The following PRKG1 variants were observed in gnomAD, a reference collection of about 807,000 sequenced individuals.
PRKG1 encodes cGMP-dependent protein kinase 1.
In PRKG1, 35 loss-of-function variants were observed where a neutral mutation model predicts 88.1. The ratio of observed to expected loss-of-function variants is 0.40; its 90% CI spans 0.30 to 0.53. PRKG1 has a LOEUF of 0.53. PRKG1 is among the 20% of genes least tolerant of loss of function. The probability of loss-of-function intolerance (pLI) is 0.59; values close to 1 mark genes in which losing one functional copy is unlikely to be tolerated. For missense variants in PRKG1, 540 were observed against 839.8 expected, an observed-to-expected ratio of 0.64 and a Z score of 4.41; for synonymous variants, 303 against 292.5, an observed-to-expected ratio of 1.04 and a Z score of -0.37.
intron 4 of PRKG1, among the ~76,000 whole-genome samples, chr10:51,816,148 C>T (rs544778135): frequency 1.3e-4 from 20 of 152,260 alleles, no homozygotes; most frequent in South Asian, 8.3e-4. Context: ...TAACCAGAAT[C>T]GTGAAAATTA....
At chr10:52,093,906 G>T (rs142328757) in intron 7 of PRKG1, among the ~76,000 whole-genome samples, 1 of 152,228 alleles carries the variant, frequency 6.6e-6, no homozygotes, top group East Asian at 1.9e-4. Flanking sequence ...AGAAAATTAT[G>T]CACACAGCGG....
chr10:51,075,886 G>A (rs1477536802), intron 1 of PRKG1, among the ~76,000 whole-genome samples: 1 of 152,148 alleles, frequency 6.6e-6, no homozygotes, highest in African/African-American at 2.4e-5. Flanking sequence ...ACAGAATGTG[G>A]GAGAGCACCC....
chr10:51,291,123 T>A (rs957156057), intron 2 of PRKG1, among the ~76,000 whole-genome samples: 3 of 152,310 alleles, frequency 2.0e-5, no homozygotes, highest in South Asian at 2.1e-4. Context: ...GTTATCAAAA[T>A]GACTCTTCTC....
intron 1 of PRKG1, among the ~76,000 whole-genome samples, chr10:51,026,031 A>G (rs1843199700): frequency 6.6e-6 from 1 of 152,164 alleles, no homozygotes; most frequent in South Asian, 2.1e-4. Flanking sequence ...CTGCACCCAG[A>G]AAATATGCCA....
At chr10:51,676,691 T>C (rs1840719824) in intron 3 of PRKG1, among the ~76,000 whole-genome samples, 1 of 152,216 alleles carries the variant, frequency 6.6e-6, no homozygotes, top group Admixed American at 6.5e-5. Flanking sequence ...TGTTTTCTGC[T>C]TCACATTGTT....
chr10:51,788,092 A>C (rs1483496307), intron 3 of PRKG1, among the ~76,000 whole-genome samples: 1 of 152,202 alleles, frequency 6.6e-6, no homozygotes, highest in Non-Finnish European at 1.5e-5. Context: ...TGCATGAAAA[A>C]GGAGTATGTT....
At chr10:52,279,524 C>G (rs1841952490) in intron 12 of PRKG1, among the ~76,000 whole-genome samples, 1 of 152,156 alleles carries the variant, frequency 6.6e-6, no homozygotes, top group Admixed American at 6.6e-5. Flanking sequence ...AAGACATTCT[C>G]TTTCTGGAAG....
At chr10:52,017,809 G>A (rs1350704219) in intron 5 of PRKG1, among the ~76,000 whole-genome samples, 2 of 152,074 alleles carry the variant, frequency 1.3e-5, no homozygotes, top group African/African-American at 4.8e-5. Context: ...ACAATTTCAG[G>A]AAACTTTACA....
chr10:51,002,989 T>G (rs1842904581), intron 1 of PRKG1, among the ~76,000 whole-genome samples: 1 of 152,176 alleles, frequency 6.6e-6, no homozygotes, highest in Non-Finnish European at 1.5e-5. Flanking sequence ...TAAAAAGTGT[T>G]TTGAAATTCT....
At chr10:51,662,288 G>A (rs534860594) in intron 3 of PRKG1, among the ~76,000 whole-genome samples, 3 of 152,138 alleles carry the variant, frequency 2.0e-5, no homozygotes, top group African/African-American at 4.8e-5. Flanking sequence ...TAATTGTGTG[G>A]ATAAGGGCAT....
At chr10:51,121,370 A>G (rs1156563802) in intron 1 of PRKG1, among the ~76,000 whole-genome samples, 2 of 152,076 alleles carry the variant, frequency 1.3e-5, no homozygotes. Flanking sequence ...TTATTATATT[A>G]TTTTTTGATA....
At chr10:51,218,490 CATATATATATATATATATATATATAT>C (rs869105973) in intron 2 of PRKG1, among the ~76,000 whole-genome samples, 3 of 40,780 alleles carry the variant, frequency 7.4e-5, no homozygotes, top group East Asian at 5.8e-4. Context: ...CATCTATCTT[CATATATATATATATATATATATATAT>C]ATATATATAT....
At chr10:51,374,366 T>G (rs2132615936) in intron 2 of PRKG1, among the ~76,000 whole-genome samples, 1 of 151,880 alleles carries the variant, frequency 6.6e-6, no homozygotes, top group Middle Eastern at 3.4e-3. Context: ...TTGTGTTGGT[T>G]TGCTGAGAAT....
intron 2 of PRKG1, among the ~76,000 whole-genome samples, chr10:51,297,314 G>A (rs1347441461): frequency 6.6e-6 from 1 of 152,004 alleles, no homozygotes; most frequent in Non-Finnish European, 1.5e-5. Context: ...GTGAACCTGT[G>A]GGTGTTCATT....
At chr10:51,450,252 T>A (rs1839395940) in intron 2 of PRKG1, among the ~76,000 whole-genome samples, 2 of 152,040 alleles carry the variant, frequency 1.3e-5, no homozygotes, top group Admixed American at 1.3e-4. Context: ...AAATTTTTTT[T>A]AAAGATTCAA....
chr10:51,665,732 C>T (rs1446929330), intron 3 of PRKG1, among the ~76,000 whole-genome samples: 2 of 151,078 alleles, frequency 1.3e-5, no homozygotes, highest in Admixed American at 1.3e-4. Flanking sequence ...TCTCCTTCTT[C>T]CTTCATTTTT....
Position 52,191,438 on chromosome 10 carries a change from G to T in PRKG1, c.1076+29475G>T, listed in dbSNP as rs185854440. On this transcript the variant is annotated intron_variant, in intron 9 of 17. Coordinates refer to ENST00000373980, the MANE Select transcript of PRKG1 (RefSeq NM_006258.4). ...CCGCCTTGGCCTCCCAAAGTGCTGG[G>T]ATTACAGGCATGAGCCACTGAACAT... Among the ~76,000 whole-genome samples, 82 of 152,174 alleles carry T rather than the reference G, an allele frequency of 5.4e-4. 2 individuals carry two copies. The highest frequency in any genetic ancestry group is 1.8e-3 in the African/African-American group (76 of 41,520).
chr10:51,575,370 C>T (rs530270518), intron 3 of PRKG1, among the ~76,000 whole-genome samples: 7 of 152,048 alleles, frequency 4.6e-5, no homozygotes, highest in African/African-American at 1.7e-4. Context: ...TGTTCCATGG[C>T]TCTGCCAATG....
At chr10:51,470,272 G>A (rs1009041771) in intron 3 of PRKG1, among the ~76,000 whole-genome samples, 60 of 151,470 alleles carry the variant, frequency 4.0e-4, no homozygotes, top group African/African-American at 1.3e-3. Context: ...TTTTCCTGTC[G>A]TCATGTCATT....
Sources: gnomAD v4.1 joint callset for allele counts (sites outside exome capture counted in the v4.1 genomes callset) on GRCh38, gnomAD v4.1.1 for gene constraint, MANE v1.5 for transcripts, NCBI Gene and HGNC (gene_info 2026-07-23, HGNC 2026-07-21) for gene names.